Variants in GPC6 observed in about 807,000 individuals in gnomAD.
The protein encoded by GPC6 is glypican-6.
In GPC6, 14 loss-of-function variants were observed where a neutral mutation model predicts 55.2. The observed-to-expected ratio is 0.25, with a 90% CI of 0.17 to 0.40. The LOEUF is 0.40. Ranked by LOEUF, GPC6 falls within the 10% of genes least tolerant of loss-of-function variation. GPC6 has a pLI of 1.00. For missense variants in GPC6, 641 were observed against 708.5 expected, an observed-to-expected ratio of 0.90 and a Z score of 1.08; for synonymous variants, 278 against 259.6, an observed-to-expected ratio of 1.07 and a Z score of -0.68.
At chr13:93,232,653 T>G (rs1475975985) in intron 1 of GPC6, among the ~76,000 whole-genome samples, 1 of 152,184 alleles carries the variant, frequency 6.6e-6, no homozygotes, top group Non-Finnish European at 1.5e-5. Context: ...TGATTTAAAA[T>G]GTACAGCATT....
intron 4 of GPC6, among the ~76,000 whole-genome samples, chr13:94,049,248 C>A (rs76073159): frequency 3.2e-4 from 44 of 138,278 alleles, no homozygotes; most frequent in South Asian, 4.8e-4. Context: ...GATCTTATCT[C>A]AAAAAAAAAA....
chr13:93,906,057 G>A (rs1327586388), intron 3 of GPC6, among the ~76,000 whole-genome samples: 1 of 152,128 alleles, frequency 6.6e-6, no homozygotes, highest in Non-Finnish European at 1.5e-5. Context: ...CACTTCAACA[G>A]GCAAAGGGGG....
At chr13:94,268,993 G>C (rs1891903755) in intron 4 of GPC6, among the ~76,000 whole-genome samples, 1 of 152,090 alleles carries the variant, frequency 6.6e-6, no homozygotes, top group Admixed American at 6.5e-5. Context: ...ATCCAATTCT[G>C]TTCTCAGTAC....
chr13:93,959,828 G>A (rs189845411), intron 3 of GPC6, among the ~76,000 whole-genome samples: 2 of 152,230 alleles, frequency 1.3e-5, no homozygotes, highest in Admixed American at 6.5e-5. Flanking sequence ...TTTTAGAAAT[G>A]ACGAAACTAA....
chr13:93,897,774 T>C (rs1394205725), intron 3 of GPC6, among the ~76,000 whole-genome samples: 1 of 152,156 alleles, frequency 6.6e-6, no homozygotes, highest in Non-Finnish European at 1.5e-5. Flanking sequence ...ATGACTTAAC[T>C]GTCAGATGAC....
At chr13:93,870,490 G>A (rs1287261827) in intron 3 of GPC6, among the ~76,000 whole-genome samples, 4 of 151,758 alleles carry the variant, frequency 2.6e-5, no homozygotes. Flanking sequence ...TGTTTTTCTA[G>A]TTATATATTG....
chr13:93,403,681 C>T (rs1224830186), intron 1 of GPC6, among the ~76,000 whole-genome samples: 1 of 152,092 alleles, frequency 6.6e-6, no homozygotes, highest in Admixed American at 6.6e-5. Flanking sequence ...GTTTATAATA[C>T]AGTTCTTGGT....
At chr13:93,778,506 A>G (rs1399192178) in intron 2 of GPC6, among the ~76,000 whole-genome samples, 1 of 152,188 alleles carries the variant, frequency 6.6e-6, no homozygotes, top group African/African-American at 2.4e-5. Context: ...GAAAGGAGAC[A>G]TTAATTCTGC....
chr13:94,388,508 C>T lies in GPC6; in HGVS notation c.1289+5958C>T, dbSNP rs1394754017. 2.0e-5 allele frequency among the ~76,000 whole-genome samples: 3 copies of T among 152,204 alleles called. No individual in the cohort carries two copies. In the East Asian group the frequency reaches 5.8e-4, roughly 29 times the overall value. On this transcript the variant is annotated intron_variant, in intron 7 of 8. Transcript: ENST00000377047. Reference sequence around the variant, plus strand: ...CAATGCAGAATATCATCCACACAAACCTCTGGTCTTTAATAGTGCCATTTT... The same window carrying T: ...CAATGCAGAATATCATCCACACAAATCTCTGGTCTTTAATAGTGCCATTTT...
At chr13:93,512,583 T>A (rs1881023131) in intron 1 of GPC6, among the ~76,000 whole-genome samples, 1 of 152,138 alleles carries the variant, frequency 6.6e-6, no homozygotes, top group South Asian at 2.1e-4. Flanking sequence ...TGGAGGATTT[T>A]TACATCTATG....
chr13:93,592,541 C>T (rs1877541228), intron 2 of GPC6, among the ~76,000 whole-genome samples: 1 of 150,914 alleles, frequency 6.6e-6, no homozygotes, highest in Admixed American at 6.6e-5. Context: ...AGCCACCACA[C>T]CCGGCCCTCT....
At chr13:93,772,485 A>G (rs1885333950) in intron 2 of GPC6, among the ~76,000 whole-genome samples, 1 of 152,072 alleles carries the variant, frequency 6.6e-6, no homozygotes. Flanking sequence ...GGACAATCTA[A>G]CTTTGGACAT....
chr13:93,282,225 G>A (rs906852045), intron 1 of GPC6, among the ~76,000 whole-genome samples: 1 of 152,126 alleles, frequency 6.6e-6, no homozygotes. Context: ...TGAAAGCTTT[G>A]TGAAGTAGAA....
rs558973525 is a variant in GPC6 at position 93,657,087 on chromosome 13, T to C, written c.319+111666T>C. Among the ~76,000 whole-genome samples the C allele has an allele frequency of 4.6e-5, 7 of 152,104 alleles. 1 individual carries two copies. Among genetic ancestry groups the C allele is most frequent in the Admixed American group, 4.6e-4 (7 of 15,288 alleles). ...AACTACCAAAACATTTTTCATGGAA[T>C]TAGAAAAAACTATTCTAAAATTCAT... On this transcript the variant is annotated intron_variant, in intron 2 of 8. Transcript: ENST00000377047.
intron 2 of GPC6, among the ~76,000 whole-genome samples, chr13:93,788,174 G>A (rs1327149681): frequency 6.6e-6 from 1 of 152,114 alleles, no homozygotes; most frequent in Non-Finnish European, 1.5e-5. Context: ...AGATCAAGGA[G>A]CCGGTAGGTA....
intron 4 of GPC6, among the ~76,000 whole-genome samples, chr13:94,031,784 G>C (rs1190315394): frequency 6.6e-6 from 1 of 152,206 alleles, no homozygotes; most frequent in Non-Finnish European, 1.5e-5. Context: ...GTTTGGCATT[G>C]TTATCAACGC....
Position 94,271,371 on chromosome 13 carries a change from C to CGT in GPC6, c.878-14977_878-14976insTG, listed in dbSNP as rs1367724940. ...CTTGTTAAATACACACACACACGCG[C>CGT]GCGCGCGCGCGCACACACACACACA... On this transcript the variant is annotated intron_variant, in intron 4 of 8. Transcript: ENST00000377047. Among the ~76,000 whole-genome samples the CGT allele has an allele frequency of 3.6e-4, 35 of 98,310 alleles. 1 individual carries two copies. The highest frequency in any genetic ancestry group is 9.8e-4 in the Admixed American group (10 of 10,206). The allele number at this position is 98,310 out of a possible 152,430, so 64.5% of individuals were successfully genotyped here. A position where few individuals can be genotyped will look rare whatever the true frequency, so the allele number is the denominator to read the frequency against.
At chr13:93,818,236 G>T (rs1886930849) in intron 2 of GPC6, among the ~76,000 whole-genome samples, 2 of 151,374 alleles carry the variant, frequency 1.3e-5, no homozygotes, top group South Asian at 4.2e-4. Flanking sequence ...ACTTACATTT[G>T]CTCTTATTTA....
intron 4 of GPC6, among the ~76,000 whole-genome samples, chr13:94,044,755 A>G (rs972061638): frequency 1.3e-5 from 2 of 151,824 alleles, no homozygotes; most frequent in Non-Finnish European, 2.9e-5. Context: ...TACTTATAAG[A>G]ATCCCTATTT....
Sources: gnomAD v4.1 joint callset for allele counts (sites outside exome capture counted in the v4.1 genomes callset) on GRCh38, gnomAD v4.1.1 for gene constraint, MANE v1.5 for transcripts, NCBI Gene and HGNC (gene_info 2026-07-23, HGNC 2026-07-21) for gene names.